NRXN3: variants seen among roughly 807,000 people sequenced by gnomAD.
NRXN3 encodes neurexin 3.
In NRXN3, 32 loss-of-function variants were observed where a neutral mutation model predicts 137.6. The ratio of observed to expected loss-of-function variants is 0.23; its 90% CI spans 0.18 to 0.31. NRXN3 has a LOEUF of 0.31. Ranked by LOEUF, NRXN3 falls within the 10% of genes least tolerant of loss-of-function variation. The pLI is 1.00. For synonymous variants in NRXN3, 798 were observed against 784.5 expected (o/e 1.02, Z -0.29); for missense variants, 1,574 against 2,062.5 (o/e 0.76, Z 4.59).
chr14:79,151,832 T>C (rs900184686), intron 15 of NRXN3, among the ~76,000 whole-genome samples: 5 of 152,074 alleles, frequency 3.3e-5, no homozygotes, highest in African/African-American at 1.2e-4. Context: ...TCAATGAATT[T>C]ATGCCACACT....
rs1350124197 is a variant in NRXN3, at chr14:79,646,579, T to C, written c.3445-17199T>C. 1.5e-5 allele frequency among the ~76,000 whole-genome samples: 2 copies of C among 135,030 alleles called. 1 individual carries two copies. The highest frequency in any genetic ancestry group is 3.4e-5 in the Non-Finnish European group (2 of 58,052). The allele number at this position is 135,030 out of a possible 152,430, so 88.6% of individuals were successfully genotyped here. On this transcript the variant is annotated intron_variant, in intron 16 of 20. Transcript: ENST00000335750. ...TCCACATAACCATAAAGTGAACATTTTGACATTCCCGAAAATGTACCAACC... is the reference window on the plus strand; with the variant it reads ...TCCACATAACCATAAAGTGAACATTCTGACATTCCCGAAAATGTACCAACC...
intron 4 of NRXN3, among the ~76,000 whole-genome samples, chr14:78,540,527 G>A (rs2096579838): frequency 6.6e-6 from 1 of 151,198 alleles, no homozygotes; most frequent in Admixed American, 6.6e-5. Flanking sequence ...CATGAGATGG[G>A]TCTCCTGAAT....
chr14:79,030,334 C>T lies in NRXN3; in HGVS notation c.3262+42193C>T, dbSNP rs117795055. Among the ~76,000 whole-genome samples, 267 of 152,002 alleles carry T rather than the reference C, an allele frequency of 1.8e-3. 4 individuals are homozygous for T. In the East Asian group the frequency reaches 0.027, roughly 16 times the overall value. ...TGTTCCCAGTTGAGAATCACTTCTTCAGGATAGACTGTTGTTAAACCATTG... is the reference window on the plus strand; with the variant it reads ...TGTTCCCAGTTGAGAATCACTTCTTTAGGATAGACTGTTGTTAAACCATTG... On this transcript the variant is annotated intron_variant, in intron 15 of 20. Transcript: ENST00000335750.
intron 16 of NRXN3, among the ~76,000 whole-genome samples, chr14:79,658,348 G>A (rs562664771): frequency 2.0e-5 from 3 of 152,274 alleles, no homozygotes; most frequent in Admixed American, 2.0e-4. Context: ...GTGCTATAAA[G>A]CAACCAAGCT....
At chr14:78,829,510 C>T (rs1055283111) in intron 10 of NRXN3, among the ~76,000 whole-genome samples, 4 of 152,100 alleles carry the variant, frequency 2.6e-5, no homozygotes, top group South Asian at 4.1e-4. Context: ...ATTGCTAAAT[C>T]GGGTAAAATA....
intron 4 of NRXN3, among the ~76,000 whole-genome samples, chr14:78,560,484 A>G (rs973167393): frequency 6.6e-6 from 1 of 152,124 alleles, no homozygotes; most frequent in South Asian, 2.1e-4. Flanking sequence ...TTTTAATTAA[A>G]CTGTTGTTGA....
chr14:79,036,576 T>A (rs1281734427), intron 15 of NRXN3, among the ~76,000 whole-genome samples: 1 of 149,500 alleles, frequency 6.7e-6, no homozygotes, highest in Non-Finnish European at 1.5e-5. Flanking sequence ...TATTTTATTG[T>A]ATTGTTTTCG....
intron 17 of NRXN3, among the ~76,000 whole-genome samples, chr14:79,686,497 C>G (rs541001985): frequency 6.6e-6 from 1 of 152,226 alleles, no homozygotes; most frequent in Non-Finnish European, 1.5e-5. Context: ...CACAGGCTCT[C>G]TCAACTCCCA....
intron 10 of NRXN3, among the ~76,000 whole-genome samples, chr14:78,950,294 G>A (rs2099384580): frequency 2.0e-5 from 3 of 152,156 alleles, no homozygotes; most frequent in Non-Finnish European, 4.4e-5. Context: ...GCTGAGCACT[G>A]CTGTAAATTT....
chr14:78,306,573 A>G (rs901601809), intron 4 of NRXN3, among the ~76,000 whole-genome samples: 3 of 152,198 alleles, frequency 2.0e-5, no homozygotes, highest in African/African-American at 7.2e-5. Context: ...AGGCTTGTAC[A>G]TGCCATGGTC....
intron 2 of NRXN3, among the ~76,000 whole-genome samples, chr14:78,273,012 A>G (rs1394835494): frequency 6.6e-6 from 1 of 152,214 alleles, no homozygotes; most frequent in Non-Finnish European, 1.5e-5. Flanking sequence ...TTGCATAGAT[A>G]TTTCCTCAGG....
chr14:78,188,485 GC>G (rs2060435802), intron 1 of NRXN3, among the ~76,000 whole-genome samples: 1 of 152,176 alleles, frequency 6.6e-6, no homozygotes, highest in Admixed American at 6.5e-5. Flanking sequence ...CAAGGCAGAA[GC>G]CTATGTGCAA....
intron 10 of NRXN3, among the ~76,000 whole-genome samples, chr14:78,956,873 T>A (rs576959469): frequency 6.6e-6 from 1 of 152,376 alleles, no homozygotes; most frequent in East Asian, 1.9e-4. Context: ...AATACTATGG[T>A]AAATTTCCTA....
chr14:78,837,799 T>C (rs1223074835), intron 10 of NRXN3, among the ~76,000 whole-genome samples: 2 of 152,220 alleles, frequency 1.3e-5, no homozygotes, highest in East Asian at 3.9e-4. Context: ...TTGCGTGTTG[T>C]TATGCCACAT....
At chr14:78,567,386 G>A (rs1251276795) in intron 4 of NRXN3, among the ~76,000 whole-genome samples, 4 of 152,222 alleles carry the variant, frequency 2.6e-5, no homozygotes, top group Non-Finnish European at 5.9e-5. Flanking sequence ...GATGAGAGAA[G>A]GACAAGAGGG....
Position 78,438,068 on chromosome 14 carries a change from G to A in NRXN3, c.757+140208G>A, listed in dbSNP as rs1001967993. ...GTACAGTGACAGAGTGGACAGGGAGGGAGGGACAGATTCTTTGGATGTTTT... is the reference window on the plus strand; with the variant it reads ...GTACAGTGACAGAGTGGACAGGGAGAGAGGGACAGATTCTTTGGATGTTTT... On this transcript the variant is annotated intron_variant, in intron 4 of 20. Transcript: ENST00000335750. Among the ~76,000 whole-genome samples, 8 of 152,202 alleles carry A rather than the reference G, an allele frequency of 5.3e-5. No individual in the cohort carries two copies. In the East Asian group the frequency reaches 9.7e-4, roughly 18 times the overall value.
intron 15 of NRXN3, among the ~76,000 whole-genome samples, chr14:79,166,929 T>C (rs1347022103): frequency 6.6e-6 from 1 of 151,980 alleles, no homozygotes; most frequent in African/African-American, 2.4e-5. Flanking sequence ...TCAGAAAACA[T>C]TGATTTCTTT....
At chr14:79,375,298 CA>C (rs1178826381) in intron 15 of NRXN3, among the ~76,000 whole-genome samples, 1 of 150,878 alleles carries the variant, frequency 6.6e-6, no homozygotes, top group Non-Finnish European at 1.5e-5. Context: ...CACCCCCTCC[CA>C]CACATATACC....
chr14:78,553,927 A>G (rs1035015429), intron 4 of NRXN3, among the ~76,000 whole-genome samples: 2 of 152,186 alleles, frequency 1.3e-5, no homozygotes, highest in Non-Finnish European at 2.9e-5. Context: ...GTGATTTATC[A>G]CAGTTGGAAA....
Sources: gnomAD v4.1 joint callset for allele counts (sites outside exome capture counted in the v4.1 genomes callset) on GRCh38, gnomAD v4.1.1 for gene constraint, MANE v1.5 for transcripts, NCBI Gene and HGNC (gene_info 2026-07-23, HGNC 2026-07-21) for gene names.